Variants in RP1 observed in about 807,000 individuals in gnomAD.
RP1 encodes the protein oxygen-regulated protein 1.
Under a neutral mutation model 14.8 loss-of-function variants are expected in RP1, and 16 were observed. The ratio of observed to expected loss-of-function variants is 1.08; its 90% CI spans 0.73 to 1.65. The LOEUF is 1.65. Among genes scored for constraint, RP1 ranks in the 40% most tolerant of loss-of-function variants. The probability of loss-of-function intolerance (pLI) is 0.00; values close to 1 mark genes in which losing one functional copy is unlikely to be tolerated. For missense variants in RP1, 2,631 were observed against 2,535.0 expected (o/e 1.04, Z -0.81); for synonymous variants, 876 against 883.6 (o/e 0.99, Z 0.15).
At chr8:54,617,218 C>T (rs1563326812) in intron 1 of RP1, among the ~76,000 whole-genome samples, 1 of 152,158 alleles carries the variant, frequency 6.6e-6, no homozygotes, top group Non-Finnish European at 1.5e-5. Flanking sequence ...TACCTCTTTC[C>T]ACCTCCACCA....
intron 1 of RP1, among the ~76,000 whole-genome samples, chr8:54,603,761 G>A (rs576991016): frequency 3.9e-5 from 6 of 152,210 alleles, no homozygotes; most frequent in African/African-American, 1.2e-4. Context: ...CACATCCCTT[G>A]TAAGTTGGAT....
chr8:54,781,823 T>G (rs1810196422), intron 23 of RP1, among the ~76,000 whole-genome samples: 1 of 152,158 alleles, frequency 6.6e-6, no homozygotes, highest in South Asian at 2.1e-4. Flanking sequence ...TGTTCATTAG[T>G]TATTCCACCC....
At chr8:54,708,304 C>G (rs375944900) in intron 15 of RP1, among the ~76,000 whole-genome samples, 16 of 151,602 alleles carry the variant, frequency 1.1e-4, no homozygotes, top group East Asian at 5.8e-4. Flanking sequence ...TCAGTGGTTG[C>G]TCACTTTCTA....
chr8:54,591,255 A>T (rs766528794), intron 1 of RP1, among the ~76,000 whole-genome samples: 21 of 152,258 alleles, frequency 1.4e-4, no homozygotes, highest in African/African-American at 4.8e-4. Flanking sequence ...AGAGGGCCCT[A>T]AAAAATCTGG....
chr8:54,653,406 T>C (rs1472838879), intron 5 of RP1, among the ~76,000 whole-genome samples: 1 of 152,210 alleles, frequency 6.6e-6, no homozygotes, highest in Non-Finnish European at 1.5e-5. Flanking sequence ...TCATAGAGCT[T>C]GTCATCCAAT....
intron 1 of RP1, among the ~76,000 whole-genome samples, chr8:54,568,611 C>T (rs906540021): frequency 2.6e-5 from 4 of 152,202 alleles, no homozygotes; most frequent in Non-Finnish European, 5.9e-5. Context: ...TTACTCTGGG[C>T]AAGGACATTA....
rs1809725110 is a variant in RP1 at position 54,764,991 on chromosome 8, G to A, written c.3249-4750G>A. 5.3e-5 allele frequency among the ~76,000 whole-genome samples: 8 copies of A among 152,156 alleles called. No homozygotes were observed. In the South Asian group the frequency reaches 1.7e-3, roughly 32 times the overall value. On this transcript the variant is annotated intron_variant, in intron 22 of 22. Coordinates refer to the RP1 transcript ENST00000636932. Reference sequence around the variant, plus strand: ...TTACTTGTCTCAGGATCTCACTCTTGAAAAACTGAAGTGGCTAGTTGGCCA... The same window carrying A: ...TTACTTGTCTCAGGATCTCACTCTTAAAAAACTGAAGTGGCTAGTTGGCCA...
chr8:54,681,551 CT>C (rs1807432376), intron 12 of RP1, among the ~76,000 whole-genome samples: 1 of 146,820 alleles, frequency 6.8e-6, no homozygotes, highest in East Asian at 2.1e-4. Context: ...ATTTAATCAA[CT>C]TTTAAGTTCC....
intron 12 of RP1, among the ~76,000 whole-genome samples, chr8:54,694,706 GTCTTT>G: frequency 6.6e-6 from 1 of 150,524 alleles, no homozygotes; most frequent in African/African-American, 2.4e-5. Context: ...TGATTCTTCT[GTCTTT>G]TCTTTTTTAT....
Position 54,630,076 on chromosome 8 carries a change from T to A in RP1, c.6194T>A (p.Val2065Asp), listed in dbSNP as rs200843110. 1 of 1,613,914 alleles carries A rather than the reference T, an allele frequency of 6.2e-7. No homozygotes were observed. The highest frequency in any genetic ancestry group is 2.2e-5 in the East Asian group (1 of 44,834). ...CAGACAAATGAAATCTTTAAAGCAG[T>A]CGATGAGAATAACAACTTATTAAAT... ...SGQTNEIFKA[V>D]DENNNLLNNR... The change falls in exon 4 of 4, where the codon GTC becomes GAC. Residue 2065 changes from valine to aspartate, a missense_variant. Coordinates refer to ENST00000220676, the MANE Select transcript of RP1 (RefSeq NM_006269.2).
chr8:54,825,906 CAAA>C (rs60097707), intron 24 of RP1, among the ~76,000 whole-genome samples: 43,957 of 145,636 alleles, frequency 0.3, 6,722 homozygotes, highest in South Asian at 0.38. Flanking sequence ...CCTGTCTCCA[CAAA>C]AAAAAAAAAT....
chr8:54,670,527 A>ATATATACATATATATGTATGTATATG (rs1807137268), intron 7 of RP1, among the ~76,000 whole-genome samples: 1 of 101,234 alleles, frequency 9.9e-6, no homozygotes, highest in Non-Finnish European at 2.1e-5. Context: ...GTATGTGTAT[A>ATATATACATATATATGTATGTATATG]TATATACATA....
intron 24 of RP1, among the ~76,000 whole-genome samples, chr8:54,806,825 G>A (rs770475319): frequency 6.6e-6 from 1 of 152,144 alleles, no homozygotes; most frequent in South Asian, 2.1e-4. Flanking sequence ...CTCAAGGGGA[G>A]ATGGATAATT....
chr8:54,775,243 G>A (rs1296136272), intron 23 of RP1, among the ~76,000 whole-genome samples: 1 of 152,160 alleles, frequency 6.6e-6, no homozygotes, highest in African/African-American at 2.4e-5. Context: ...TGCTAAAAAT[G>A]TCTGTGACTG....
intron 1 of RP1, among the ~76,000 whole-genome samples, chr8:54,596,870 A>T (rs1805160182): frequency 6.6e-6 from 1 of 152,178 alleles, no homozygotes; most frequent in African/African-American, 2.4e-5. Flanking sequence ...AATTTTTTGG[A>T]AATAATTTCC....
intron 22 of RP1, among the ~76,000 whole-genome samples, chr8:54,767,931 A>G (rs1809801490): frequency 6.6e-6 from 1 of 152,208 alleles, no homozygotes; most frequent in African/African-American, 2.4e-5. Flanking sequence ...AGAGATGAGC[A>G]ATCCTGACAG....
intron 24 of RP1, among the ~76,000 whole-genome samples, chr8:54,820,528 G>A (rs1261527519): frequency 2.0e-5 from 3 of 152,124 alleles, no homozygotes; most frequent in Non-Finnish European, 2.9e-5. Flanking sequence ...GGCACAGGAA[G>A]AATTCTGTCC....
At chr8:54,795,665 A>G (rs546031553) in intron 24 of RP1, among the ~76,000 whole-genome samples, 3 of 152,264 alleles carry the variant, frequency 2.0e-5, no homozygotes, top group Admixed American at 2.0e-4. Context: ...AGAAAAAAAT[A>G]TCATTCTCTA....
At chr8:54,796,924 G>A (rs746306651) in intron 24 of RP1, among the ~76,000 whole-genome samples, 2 of 152,128 alleles carry the variant, frequency 1.3e-5, no homozygotes, top group Non-Finnish European at 2.9e-5. Flanking sequence ...TTTCAAAAGA[G>A]CCATTTTACT....
Sources: gnomAD v4.1 joint callset for allele counts (sites outside exome capture counted in the v4.1 genomes callset) on GRCh38, gnomAD v4.1.1 for gene constraint, MANE v1.5 for transcripts, NCBI Gene and HGNC (gene_info 2026-07-23, HGNC 2026-07-21) for gene names.